MTCL3: variants seen among roughly 807,000 people sequenced by gnomAD.
The protein encoded by MTCL3 is microtubule cross-linking factor 3.
the MTCL3 span, among the ~76,000 whole-genome samples, chr6:127,509,101 T>C: frequency 0.065 from 9,854 of 152,314 alleles, 379 homozygotes; most frequent in East Asian, 0.11. Context: ...GGCATTCTTC[T>C]ACAGCAAGAA....
chr6:127,498,159 A>G, the MTCL3 span, among the ~76,000 whole-genome samples: 4 of 152,250 alleles, frequency 2.6e-5, no homozygotes, highest in Admixed American at 1.3e-4. Context: ...TAAAAAGACA[A>G]GCCTAAGAAG....
chr6:127,498,054 C>T, the MTCL3 span, among the ~76,000 whole-genome samples: 12 of 152,102 alleles, frequency 7.9e-5, no homozygotes, highest in East Asian at 7.7e-4. Context: ...TTCTTAGATG[C>T]GACACCAAAA....
the MTCL3 span, among the ~76,000 whole-genome samples, chr6:127,481,856 T>C: frequency 7.2e-5 from 11 of 152,218 alleles, no homozygotes; most frequent in African/African-American, 2.6e-4. Context: ...AGATAAGAGG[T>C]TGGCACAAGA....
At chr6:127,514,922 C>T in the MTCL3 span, 17 of 1,614,184 alleles carry the variant, frequency 1.1e-5, no homozygotes, top group Admixed American at 1.7e-5. Flanking sequence ...GGCGGTACTG[C>T]AGGATCCGGC....
the MTCL3 span, chr6:127,482,938 T>C: frequency 6.2e-7 from 1 of 1,609,464 alleles, no homozygotes. The surrounding 1 kb of genome is among the most constrained non-coding windows in gnomAD (Gnocchi z 4.1). Context: ...TTGAGCCTTT[T>C]TTTCAGATTT....
At chr6:127,519,168 G>C in the MTCL3 span, 3 of 152,170 alleles carry the variant, frequency 2.0e-5, no homozygotes, top group Non-Finnish European at 4.4e-5. Flanking sequence ...CTTGGCAGAG[G>C]ATCCCAAAAC....
the MTCL3 span, chr6:127,516,327 T>C: frequency 6.3e-7 from 1 of 1,595,792 alleles, no homozygotes; most frequent in African/African-American, 1.3e-5. Flanking sequence ...CTCCGCCTCC[T>C]CGGATGCTGG....
At chr6:127,487,234 A>G in the MTCL3 span, among the ~76,000 whole-genome samples, 1 of 152,222 alleles carries the variant, frequency 6.6e-6, no homozygotes, top group Non-Finnish European at 1.5e-5. Context: ...ACTTCGACAG[A>G]AAAAGGTGCA....
chr6:127,491,121 A>T, the MTCL3 span, among the ~76,000 whole-genome samples: 1 of 152,362 alleles, frequency 6.6e-6, no homozygotes, highest in African/African-American at 2.4e-5. Flanking sequence ...TGTGAAGATG[A>T]TATGAACTTT....
chr6:127,517,385 A>G, the MTCL3 span: 1 of 152,228 alleles, frequency 6.6e-6, no homozygotes, highest in African/African-American at 2.4e-5. Context: ...AGAATTGTCT[A>G]TATGGGTTAG....
chr6:127,509,388 A>T, the MTCL3 span, among the ~76,000 whole-genome samples: 8 of 152,212 alleles, frequency 5.3e-5, no homozygotes, highest in Non-Finnish European at 1.0e-4. Flanking sequence ...ACCAGTCCTG[A>T]GAGCAATTGG....
At chr6:127,507,435 G>A in the MTCL3 span, among the ~76,000 whole-genome samples, 1 of 152,074 alleles carries the variant, frequency 6.6e-6, no homozygotes, top group Non-Finnish European at 1.5e-5. Flanking sequence ...TCTGATCTGT[G>A]TACTACTTTG....
the MTCL3 span, among the ~76,000 whole-genome samples, chr6:127,509,071 A>G: frequency 6.6e-6 from 1 of 152,342 alleles, no homozygotes; most frequent in African/African-American, 2.4e-5. Flanking sequence ...GCCATTTTCT[A>G]CAGGTTACAG....
the MTCL3 span, among the ~76,000 whole-genome samples, chr6:127,506,725 C>T: frequency 1.2e-4 from 18 of 152,150 alleles, no homozygotes; most frequent in Admixed American, 9.8e-4. Context: ...GGACTACAGG[C>T]GCCCACGACC....
chr6:127,491,737 G>A, the MTCL3 span, among the ~76,000 whole-genome samples: 1 of 152,074 alleles, frequency 6.6e-6, no homozygotes, highest in South Asian at 2.1e-4. Context: ...GCCAGGCATG[G>A]TGGCATGCAG....
the MTCL3 span, chr6:127,515,681 C>T: frequency 2.0e-6 from 3 of 1,537,898 alleles, no homozygotes; most frequent in South Asian, 3.7e-5. The surrounding 1 kb of genome is among the most constrained non-coding windows in gnomAD (Gnocchi z 4.3). Flanking sequence ...GCCGCCGCCG[C>T]CATTGGGGAG....
chr6:127,477,158 T>C, the MTCL3 span, among the ~76,000 whole-genome samples: 1 of 152,244 alleles, frequency 6.6e-6, no homozygotes, highest in Non-Finnish European at 1.5e-5. Context: ...AAGTTTGACA[T>C]TGGAATGGTC....
the MTCL3 span, among the ~76,000 whole-genome samples, chr6:127,506,943 A>G: frequency 6.6e-6 from 1 of 152,182 alleles, no homozygotes; most frequent in Non-Finnish European, 1.5e-5. Context: ...TTCAGTAACT[A>G]TATAAGTAAT....
At chr6:127,475,757 C>G in the MTCL3 span, 1 of 1,604,014 alleles carries the variant, frequency 6.2e-7, no homozygotes, top group Non-Finnish European at 8.5e-7. The surrounding 1 kb of genome is among the most constrained non-coding windows in gnomAD (Gnocchi z 7.3). Context: ...TTCTTGCCCG[C>G]GTCGCTCTCG....
Sources: allele counts gnomAD v4.1 joint callset (sites outside exome capture counted in the v4.1 genomes callset), GRCh38; gene constraint gnomAD v4.1.1; non-coding constraint Gnocchi (gnomAD v3.1); transcripts MANE v1.5; gene names NCBI Gene and HGNC (gene_info 2026-07-23, HGNC 2026-07-21).